TTI1: variants seen among roughly 807,000 people sequenced by gnomAD.
The protein encoded by TTI1 is TELO2-interacting protein 1 homolog.
In TTI1, 52 loss-of-function variants were observed where a neutral mutation model predicts 85.4. That is an observed-to-expected ratio of 0.61 (90% CI 0.49 to 0.77). The LOEUF (loss-of-function observed/expected upper bound fraction) is 0.77, where lower values mean the gene tolerates loss of function less well. Among genes scored for constraint, TTI1 ranks in the 30% least tolerant of loss-of-function variants. TTI1 has a pLI of 0.00. For synonymous variants in TTI1, 512 were observed against 503.9 expected, an observed-to-expected ratio of 1.02 and a Z score of -0.22; for missense variants, 1,173 against 1,296.0, an observed-to-expected ratio of 0.91 and a Z score of 1.46.
chr20:37,983,264 T>C lies in TTI1; in HGVS notation c.*192A>G. The C allele has an allele frequency of 1.7e-6, 1 of 590,370 alleles. No homozygotes were observed. The highest frequency in any genetic ancestry group is 2.9e-6 in the Non-Finnish European group (1 of 344,682). 36.6% of individuals were successfully genotyped at this position (590,370 alleles called of 1,614,324 possible). On this transcript the variant is annotated 3_prime_UTR_variant, in exon 8 of 8. Transcript: ENST00000373447. Reference sequence around the variant, plus strand: ...ACTTGACAACACAAGGTATGAAACATAAATAATAGTCAGCTACTTTCCTTC... The same window carrying C: ...ACTTGACAACACAAGGTATGAAACACAAATAATAGTCAGCTACTTTCCTTC...
intron 4 of TTI1, among the ~76,000 whole-genome samples, chr20:38,001,965 C>G (rs576481943): frequency 4.6e-5 from 7 of 152,196 alleles, no homozygotes; most frequent in Non-Finnish European, 1.0e-4. Flanking sequence ...GATCCGCCCA[C>G]CTCAGCTTCC....
At chr20:37,987,417 C>T (rs2073205875) in intron 7 of TTI1, 1 of 443,710 alleles carries the variant, frequency 2.3e-6, no homozygotes, top group Non-Finnish European at 4.6e-6. Flanking sequence ...TACCAAATGG[C>T]CAGTTCCATC....
At chr20:38,007,908 A>G (rs2073525771) in intron 2 of TTI1, among the ~76,000 whole-genome samples, 1 of 152,214 alleles carries the variant, frequency 6.6e-6, no homozygotes, top group Non-Finnish European at 1.5e-5. Context: ...CTGGTTCCCA[A>G]ATAGTTAAAA....
At chr20:38,011,394 GA>G in intron 2 of TTI1, 120 bp downstream of exon 2, 2 of 1,138,442 alleles carry the variant, frequency 1.8e-6, no homozygotes, top group South Asian at 1.6e-5. Context: ...GGACTGGAGA[GA>G]AAATGATTAA....
In TTI1 at chr20:37,993,871, G is replaced by A. The variant is rs140627763; in HGVS notation, c.3086+2504C>T. On this transcript the variant is annotated intron_variant, in intron 7 of 7. Coordinates refer to ENST00000373447, the MANE Select transcript of TTI1 (RefSeq NM_001303457.2). ...GTGTAAGTGTGTCACTCTGACTGCA[G>A]TATGGAGAATACCTAGAGGGGCAGG... 3.4e-3 allele frequency among the ~76,000 whole-genome samples: 523 copies of A among 152,344 alleles called. 2 individuals carry two copies. The highest frequency in any genetic ancestry group is 0.012 in the African/African-American group (494 of 41,580).
intron 7 of TTI1, among the ~76,000 whole-genome samples, chr20:37,993,204 C>T (rs927293973): frequency 2.7e-5 from 4 of 147,724 alleles, no homozygotes; most frequent in African/African-American, 1.0e-4. Context: ...TCCCCTGCCC[C>T]TCCCCCATGC....
intron 2 of TTI1, 51 bp from the exon 3 acceptor site, chr20:38,006,448 A>G (rs773849655): frequency 1.0e-5 from 16 of 1,594,368 alleles, no homozygotes; most frequent in Non-Finnish European, 1.3e-5. Context: ...AACAGGCATG[A>G]GTACTTTATA....
intron 1 of TTI1, among the ~76,000 whole-genome samples, chr20:38,020,307 T>C (rs1168078517): frequency 1.2e-4 from 6 of 48,082 alleles, no homozygotes; most frequent in Middle Eastern, 0.01. Context: ...TGGCTACTCA[T>C]ATGAAAAAAA....
chr20:38,023,985 T>C (rs1282247775), intron 1 of TTI1, among the ~76,000 whole-genome samples: 1 of 152,190 alleles, frequency 6.6e-6, no homozygotes, highest in Non-Finnish European at 1.5e-5. Context: ...TAGGCTCACA[T>C]AATGCTTAGT....
At chr20:37,998,084 T>C (rs2073368487) in intron 5 of TTI1, among the ~76,000 whole-genome samples, 1 of 152,060 alleles carries the variant, frequency 6.6e-6, no homozygotes, top group Non-Finnish European at 1.5e-5. Flanking sequence ...CGCCTGCCAC[T>C]GCGCCCAGGT....
chr20:37,996,815 G>C lies in TTI1; in HGVS notation c.2932C>G (p.Leu978Val), dbSNP rs1241339458. 1 of 1,614,072 alleles carries C rather than the reference G, an allele frequency of 6.2e-7. No homozygotes were observed. Among genetic ancestry groups the C allele is most frequent in the Non-Finnish European group, 8.5e-7 (1 of 1,179,914 alleles). The change falls in exon 6 of 8, where the codon CTG becomes GTG. Residue 978 changes from leucine (L) to valine (V), a missense_variant. Transcript: ENST00000373447. ...ACAGCCAGCTGCAACTTGAAGGCCA[G>C]CGTGTGCGAGTAAACTGGTCCAGCC... ...ARAGPVYSHT[L>V]AFKLQLAVLQ... is the part of the protein sequence containing the mutation.
In TTI1 at chr20:38,012,495, G is replaced by A; in HGVS notation, c.1322C>T (p.Ala441Val). 6.2e-7 allele frequency: 1 copy of A among 1,614,170 alleles called. No individual in the cohort carries two copies. Among genetic ancestry groups the A allele is most frequent in the Non-Finnish European group, 8.5e-7 (1 of 1,180,038 alleles). The change falls in exon 2 of 8, where the codon GCT becomes GTT. Residue 441 changes from alanine to valine, a missense_variant. Physicochemically the swap from Ala to Val is moderately conservative, Grantham distance 64 (BLOSUM62 0). Transcript: ENST00000373447. ...CCGTTCCTCAACAATCTTGATGTCA[G>A]CCACGTCTAGCTCTAGAACTTGGAT... ...ALIQVLELDV[A>V]DIKIVEERRW...
intron 1 of TTI1, among the ~76,000 whole-genome samples, chr20:38,030,395 T>G (rs1183597309): frequency 6.6e-6 from 1 of 152,122 alleles, no homozygotes; most frequent in Non-Finnish European, 1.5e-5. Context: ...CCAATCCATT[T>G]TATAAAGCCA....
rs772608483 is a variant in TTI1 at position 38,013,337 on chromosome 20, G to C, written c.480C>G (p.Gly160=). ...GCTTTGATTTCTCCTGTTCTGCAAG[G>C]CCTAACAGTAAAGATACAGCAAATC... ...RLGFAVSLLL[G]LAEQEKSKQI... is the part of the protein sequence containing the mutation. The change falls in exon 2 of 8, where the codon GGC becomes GGG. Residue 160 remains glycine, a synonymous_variant. Coordinates refer to ENST00000373447, the MANE Select transcript of TTI1 (RefSeq NM_001303457.2). 3.1e-6 allele frequency: 5 copies of C among 1,613,950 alleles called. No individual in the cohort carries two copies. In the Admixed American group the frequency reaches 5.0e-5, roughly 16 times the overall value.
chr20:37,999,291 T>C lies in TTI1; in HGVS notation c.2690A>G (p.Gln897Arg), dbSNP rs1665867156. The C allele has an allele frequency of 4.0e-6, 6 of 1,515,652 alleles. No individual in the cohort carries two copies. The highest frequency in any genetic ancestry group is 5.3e-6 in the Non-Finnish European group (6 of 1,128,692). 93.9% of individuals were successfully genotyped at this position (1,515,652 alleles called of 1,614,324 possible). A position where few individuals can be genotyped will look rare whatever the true frequency, so the allele number is the denominator to read the frequency against. The stretch of plus-strand genomic sequence containing the variant: ...GGGAAGCAGCTGGTTTTTGTGGGAC[T>C]GAAGAACAACCACACACAGATCCAG... ...DVLDLCVVVL[Q>R]SHKNQLLPLA... is the part of the protein sequence containing the mutation. The change falls in exon 5 of 8, where the codon CAG becomes CGG. Residue 897 changes from glutamine to arginine, a missense_variant. Transcript: ENST00000373447.
At chr20:38,011,014 C>T (rs1206359916) in intron 2 of TTI1, among the ~76,000 whole-genome samples, 1 of 152,160 alleles carries the variant, frequency 6.6e-6, no homozygotes, top group Admixed American at 6.5e-5. Flanking sequence ...CTGGATAGAA[C>T]GAATAAAGAT....
In TTI1 at chr20:37,983,489, G is replaced by C. The variant is rs765357737; in HGVS notation, c.3237C>G (p.Thr1079=). Reference sequence around the variant, plus strand: ...GCTCCTTGAGCAGCTGGAGCACGTTGGTCGTGTAGGGGTTCTGCTGCCCGC... The same window carrying C: ...GCTCCTTGAGCAGCTGGAGCACGTTCGTCGTGTAGGGGTTCTGCTGCCCGC... ...GASGQQNPYT[T]NVLQLLKELQ The change falls in exon 8 of 8, where the codon ACC becomes ACG. Residue 1079 remains threonine, a synonymous_variant. Coordinates refer to ENST00000373447, the MANE Select transcript of TTI1 (RefSeq NM_001303457.2). 42 of 1,611,586 alleles carry C rather than the reference G, an allele frequency of 2.6e-5. 1 individual carries two copies. The South Asian group carries it at 4.2e-4, about 16-fold the overall frequency.
At chr20:38,016,847 A>G (rs530864378) in intron 1 of TTI1, among the ~76,000 whole-genome samples, 1 of 152,288 alleles carries the variant, frequency 6.6e-6, no homozygotes, top group African/African-American at 2.4e-5. Flanking sequence ...ACTGCTCTCC[A>G]TCCTGCATGA....
intron 1 of TTI1, among the ~76,000 whole-genome samples, chr20:38,032,390 G>T (rs75273488): frequency 7.2e-5 from 11 of 152,286 alleles, no homozygotes; most frequent in African/African-American, 2.6e-4. Flanking sequence ...CTAGAAGAAC[G>T]TCTCCTAAAC....
Sources: gnomAD v4.1 joint callset for allele counts (sites outside exome capture counted in the v4.1 genomes callset) on GRCh38, gnomAD v4.1.1 for gene constraint, MANE v1.5 for transcripts, NCBI Gene and HGNC (gene_info 2026-07-23, HGNC 2026-07-21) for gene names.